The following GSE1 variants were observed in gnomAD, a reference collection of about 807,000 sequenced individuals.
The protein encoded by GSE1 is Gse1 coiled-coil protein.
In GSE1, 32 loss-of-function variants were observed where a neutral mutation model predicts 112.6. The observed-to-expected ratio is 0.28, with a 90% confidence interval of 0.21 to 0.38. The LOEUF (loss-of-function observed/expected upper bound fraction) is 0.38. Among genes scored for constraint, GSE1 ranks in the 10% least tolerant of loss-of-function variants. The pLI is 1.00. For missense variants in GSE1, 2,348 were observed against 1,699.2 expected (o/e 1.38, Z -6.71); for synonymous variants, 1,115 against 735.6 (o/e 1.52, Z -8.35).
intron 2 of GSE1, among the ~76,000 whole-genome samples, chr16:85,476,402 C>T (rs902602138): frequency 2.0e-5 from 3 of 152,192 alleles, no homozygotes; most frequent in East Asian, 1.9e-4. Flanking sequence ...CCCCCATACA[C>T]GTGCATATGA....
chr16:85,323,764 A>G lies in GSE1; in HGVS notation c.2284-33699A>G, dbSNP rs536369414. Among the ~76,000 whole-genome samples the G allele has an allele frequency of 3.3e-5, 5 of 152,230 alleles. No homozygotes were observed. In the South Asian group the frequency reaches 8.3e-4, roughly 25 times the overall value. ...CACTTGGGGCCCCAGGCTGACTTCC[A>G]CGCTCCCCCATTGCCACCCTAATGT... On this transcript the variant is annotated intron_variant, in intron 1 of 2. Coordinates refer to the GSE1 transcript ENST00000637419.
chr16:85,242,796 TTTAA>T (rs1905266393), intron 1 of GSE1, among the ~76,000 whole-genome samples: 1 of 152,294 alleles, frequency 6.6e-6, no homozygotes, highest in East Asian at 1.9e-4. Flanking sequence ...CCCTGTTTTA[TTTAA>T]TTAAATTAAA....
At chr16:85,169,675 G>T in exon 1 of GSE1, 1 of 983,500 alleles carries the variant, frequency 1.0e-6, no homozygotes, top group Non-Finnish European at 1.2e-6. Context: ...GAAGCAGCCG[G>T]CGGCGGGCGC....
At chr16:85,340,713 CG>C (rs2151539029) in intron 1 of GSE1, among the ~76,000 whole-genome samples, 1 of 152,300 alleles carries the variant, frequency 6.6e-6, no homozygotes, top group East Asian at 1.9e-4. Flanking sequence ...GTGTGTGGTG[CG>C]TTCCTAGCTT....
intron 2 of GSE1, among the ~76,000 whole-genome samples, chr16:85,519,703 TCCATCACTGTCATCATCATCA>T (rs1165771912): frequency 9.6e-6 from 1 of 103,864 alleles, no homozygotes; most frequent in African/African-American, 3.5e-5. Context: ...CACCACAGTC[TCCATCACTGTCATCATCATCA>T]CCATCACCAT....
intron 2 of GSE1, among the ~76,000 whole-genome samples, chr16:85,647,265 C>G (rs1397628214): frequency 6.6e-6 from 1 of 152,194 alleles, no homozygotes; most frequent in African/African-American, 2.4e-5. Context: ...GCACCCTCCC[C>G]CTGCTACCCG....
At chr16:85,200,926 G>A (rs1242965153) in intron 1 of GSE1, among the ~76,000 whole-genome samples, 2 of 152,160 alleles carry the variant, frequency 1.3e-5, no homozygotes, top group Non-Finnish European at 2.9e-5. Flanking sequence ...TTTCTTCTCC[G>A]TGAGTCTGAA....
chr16:85,252,549 G>C (rs566605134), intron 1 of GSE1, among the ~76,000 whole-genome samples: 14 of 152,380 alleles, frequency 9.2e-5, no homozygotes, highest in African/African-American at 3.1e-4. Flanking sequence ...AGTTTGAGAA[G>C]CTCAAGTCAG....
At chr16:85,601,918 T>C (rs1184290240) in intron 1 of GSE1, among the ~76,000 whole-genome samples, 4 of 152,170 alleles carry the variant, frequency 2.6e-5, no homozygotes, top group Non-Finnish European at 4.4e-5. Flanking sequence ...GACTTGATTG[T>C]CCGAGTGACA....
intron 2 of GSE1, among the ~76,000 whole-genome samples, chr16:85,404,757 GCC>G (rs1292473814): frequency 0.077 from 1,121 of 14,560 alleles, no homozygotes; most frequent in Non-Finnish European, 0.1. Flanking sequence ...TACACTCAGG[GCC>G]CCCCCGGATA....
chr16:85,598,166 T>TG (rs2047313428), intron 1 of GSE1, among the ~76,000 whole-genome samples: 1 of 143,908 alleles, frequency 6.9e-6, no homozygotes. Flanking sequence ...GAGGTTTGGT[T>TG]GTTTTTTTTT....
upstream of GSE1, chr16:85,555,387 C>A (rs113699324): frequency 1.0e-5 from 10 of 983,656 alleles, no homozygotes; most frequent in Non-Finnish European, 1.2e-5. Flanking sequence ...AGGGAGATAA[C>A]CAAAAAAGGG....
Position 85,535,317 on chromosome 16 carries a change from G to A in GSE1, c.2465-98597G>A, listed in dbSNP as rs531472710. 4.3e-4 allele frequency among the ~76,000 whole-genome samples: 66 copies of A among 152,362 alleles called. 1 individual carries two copies. The highest frequency in any genetic ancestry group is 1.4e-3 in the African/African-American group (60 of 41,576). On this transcript the variant is annotated intron_variant, in intron 2 of 2. Transcript: ENST00000637419. ...GGAGCCCTCGGGGAACGAGGTGCTC[G>A]TCTTTGCCTCCCCTTGTCTGCGGCC...
At position 85,478,937 on chromosome 16, in the gene GSE1, CTTTCTTTCTTTT is replaced by C. The variant is rs1156990426; in HGVS notation, c.2464+121298_2464+121309del. 4.5e-4 allele frequency among the ~76,000 whole-genome samples: 47 copies of C among 104,950 alleles called. 1 individual carries two copies. Among genetic ancestry groups the C allele is most frequent in the South Asian group, 9.6e-4 (3 of 3,114 alleles). The allele number at this position is 104,950 out of a possible 152,430, so 68.9% of individuals were successfully genotyped here. A position where few individuals can be genotyped will look rare whatever the true frequency, so the allele number is the denominator to read the frequency against. ...TTTCTTTCTTTCTTTCTCTTTCTTT[CTTTCTTTCTTTT>C]TTTTTCTTTCTTTCTTTCCTTCCTT... On this transcript the variant is annotated intron_variant, in intron 2 of 2. Transcript: ENST00000637419.
chr16:85,638,914 C>T (rs115597786), intron 2 of GSE1, among the ~76,000 whole-genome samples: 4 of 152,102 alleles, frequency 2.6e-5, no homozygotes, highest in Non-Finnish European at 5.9e-5. Context: ...TTCCTCTGTC[C>T]CAGTGGTGCA....
At chr16:85,610,151 G>A (rs897433757), upstream of GSE1, among the ~76,000 whole-genome samples, 13 of 152,304 alleles carry the variant, frequency 8.5e-5, no homozygotes, top group African/African-American at 3.1e-4. Flanking sequence ...GAGCAAACGC[G>A]CACCAGGCAC....
chr16:85,231,247 A>T (rs1275575235), intron 1 of GSE1, among the ~76,000 whole-genome samples: 1 of 151,158 alleles, frequency 6.6e-6, no homozygotes, highest in Non-Finnish European at 1.5e-5. Context: ...GGATAGCTGG[A>T]CAGAGGGATG....
In GSE1 at chr16:85,671,236, C is replaced by G. The variant is rs139704692; in HGVS notation, c.3519+138C>G. 564 of 527,554 alleles carry G rather than the reference C, an allele frequency of 1.1e-3. 5 individuals carry two copies. Among genetic ancestry groups the G allele is most frequent in the African/African-American group, 8.8e-3 (439 of 50,112 alleles). The allele number at this position is 527,554 out of a possible 1,614,324, so 32.7% of individuals were successfully genotyped here. On this transcript the variant is annotated intron_variant, in intron 15 of 15. Coordinates refer to ENST00000253458, the MANE Select transcript of GSE1 (RefSeq NM_014615.5). ...TTGGCGGATCACGAGGTCAGGAGAT[C>G]GAGACCATCCCGGCTAAAACGGTGA...
chr16:85,469,443 T>C (rs1391110147), intron 2 of GSE1, among the ~76,000 whole-genome samples: 2 of 152,104 alleles, frequency 1.3e-5, no homozygotes, highest in African/African-American at 4.8e-5. Context: ...CCTGAAGAGC[T>C]TCTTGTGGGA....
Sources: gnomAD v4.1 joint callset for allele counts (sites outside exome capture counted in the v4.1 genomes callset) on GRCh38, gnomAD v4.1.1 for gene constraint, MANE v1.5 for transcripts, NCBI Gene and HGNC (gene_info 2026-07-23, HGNC 2026-07-21) for gene names.